The following MMP26 variants were observed in gnomAD, a reference collection of about 807,000 sequenced individuals.
MMP26 encodes the protein matrix metalloproteinase-26.
MMP26 carries 33 observed loss-of-function variants against 31.0 expected under a neutral mutation model. The observed-to-expected ratio is 1.06, with a 90% confidence interval of 0.81 to 1.42. The LOEUF (loss-of-function observed/expected upper bound fraction) is 1.42. Among genes scored for constraint, MMP26 ranks in the 40% most tolerant of loss-of-function variants. MMP26 has a pLI of 0.00. For missense variants in MMP26, 347 were observed against 316.1 expected (o/e 1.10, Z -0.74); for synonymous variants, 122 against 114.9 (o/e 1.06, Z -0.40).
chr11:4,827,465 T>C (rs1849591970), intron 2 of MMP26, among the ~76,000 whole-genome samples: 1 of 152,042 alleles, frequency 6.6e-6, no homozygotes, highest in East Asian at 1.9e-4. Context: ...GGGCCAAGTC[T>C]TTTAGAAAGT....
At chr11:4,727,800 C>G (rs1197998533) in intron 1 of MMP26, among the ~76,000 whole-genome samples, 1 of 152,182 alleles carries the variant, frequency 6.6e-6, no homozygotes, top group African/African-American at 2.4e-5. Context: ...CAGAGCAAGA[C>G]TGTGTCTCAA....
chr11:4,946,989 G>T lies in MMP26; in HGVS notation c.-144-41079G>T, dbSNP rs1846321917. The T allele has an allele frequency of 2.5e-6, 4 of 1,593,276 alleles. No individual in the cohort carries two copies. Among genetic ancestry groups the T allele is most frequent in the Non-Finnish European group, 3.4e-6 (4 of 1,166,286 alleles). On this transcript the variant is annotated intron_variant, in intron 2 of 7. Transcript: ENST00000380390. ...GTGCCATTTCCTAGAATAGCAATAA[G>T]ATACATGCTGCAGATGGGGATAGAG... is the stretch of plus-strand genomic sequence containing the variant.
chr11:4,816,697 CTT>C (rs747753151), intron 2 of MMP26, among the ~76,000 whole-genome samples: 5,043 of 78,936 alleles, frequency 0.064, 34 homozygotes, highest in Non-Finnish European at 0.082. Flanking sequence ...TGGGTGCCTT[CTT>C]TTTTTTTTTT....
At chr11:4,990,510 A>T (rs1846981572) in intron 4 of MMP26, 88 bp from the exon 5 acceptor site, 2 of 1,295,834 alleles carry the variant, frequency 1.5e-6, no homozygotes, top group Non-Finnish European at 2.1e-6. Flanking sequence ...CTATTAAATG[A>T]TTCTCCCCAA....
At chr11:4,834,960 G>T (rs1849696283) in intron 2 of MMP26, among the ~76,000 whole-genome samples, 1 of 151,568 alleles carries the variant, frequency 6.6e-6, no homozygotes, top group Admixed American at 6.6e-5. Context: ...TCTTAAATAT[G>T]GAAAGACATG....
At chr11:4,923,830 G>C in intron 2 of MMP26, 1 of 1,614,020 alleles carries the variant, frequency 6.2e-7, no homozygotes, top group Non-Finnish European at 8.5e-7. Context: ...GGGAGTGGCA[G>C]TATTGGAAGC....
intron 2 of MMP26, chr11:4,786,634 C>A (rs1438381409): frequency 1.3e-5 from 2 of 151,598 alleles, no homozygotes; most frequent in Non-Finnish European, 1.5e-5. Flanking sequence ...CTTAGGCTGG[C>A]TCCACAGATT....
intron 2 of MMP26, among the ~76,000 whole-genome samples, chr11:4,985,291 C>T (rs1846869920): frequency 6.6e-6 from 1 of 152,118 alleles, no homozygotes; most frequent in African/African-American, 2.4e-5. Context: ...GTCTATATCA[C>T]CATGAGATTT....
At chr11:4,795,625 G>A (rs2133446727) in intron 2 of MMP26, among the ~76,000 whole-genome samples, 1 of 152,296 alleles carries the variant, frequency 6.6e-6, no homozygotes, top group South Asian at 2.1e-4. Context: ...AAATGGAAAT[G>A]AGTCACATTA....
At chr11:4,802,771 A>T (rs1282763308) in intron 2 of MMP26, among the ~76,000 whole-genome samples, 2 of 152,170 alleles carry the variant, frequency 1.3e-5, no homozygotes, top group Non-Finnish European at 2.9e-5. Flanking sequence ...TCCAGTATAG[A>T]ATTGGTACCA....
chr11:4,750,194 T>C (rs978903284), intron 1 of MMP26, among the ~76,000 whole-genome samples: 5 of 152,082 alleles, frequency 3.3e-5, no homozygotes, highest in Non-Finnish European at 7.4e-5. Flanking sequence ...TCAACACCAC[T>C]AATCATCAGA....
intron 2 of MMP26, chr11:4,847,508 T>C (rs1849889226): frequency 6.6e-6 from 1 of 152,236 alleles, no homozygotes. Flanking sequence ...TTATGCATAG[T>C]CATAGTGATG....
intron 1 of MMP26, chr11:4,710,747 A>G (rs1847852055): frequency 4.3e-6 from 1 of 231,362 alleles, no homozygotes; most frequent in African/African-American, 2.2e-5. Context: ...ACAGTATAGG[A>G]CCACAGTTAA....
chr11:4,917,078 G>A (rs1398939436), intron 2 of MMP26, among the ~76,000 whole-genome samples: 3 of 152,190 alleles, frequency 2.0e-5, no homozygotes, highest in Non-Finnish European at 4.4e-5. Context: ...AAAGAGGGTA[G>A]GGGCTTTTCT....
At chr11:4,907,825 C>T (rs1850924391) in intron 2 of MMP26, 1 of 1,613,666 alleles carries the variant, frequency 6.2e-7, no homozygotes, top group Non-Finnish European at 8.5e-7. Flanking sequence ...CCATTAGGAG[C>T]ATTCTCTTAG....
At chr11:4,893,182 A>G (rs576555803) in intron 2 of MMP26, among the ~76,000 whole-genome samples, 12 of 152,226 alleles carry the variant, frequency 7.9e-5, no homozygotes, top group African/African-American at 2.6e-4. Flanking sequence ...TATGTTTTAT[A>G]TCAAATATAA....
At chr11:4,938,419 T>G (rs776527339) in intron 2 of MMP26, 3 of 150,980 alleles carry the variant, frequency 2.0e-5, no homozygotes, top group African/African-American at 7.3e-5. Flanking sequence ...TACTTCTTAA[T>G]GTCAAACATC....
chr11:4,791,646 C>T (rs1849029853), intron 2 of MMP26, among the ~76,000 whole-genome samples: 1 of 152,046 alleles, frequency 6.6e-6, no homozygotes, highest in South Asian at 2.1e-4. Context: ...TCTTATTTCT[C>T]TTGTGAGGTT....
intron 2 of MMP26, among the ~76,000 whole-genome samples, chr11:4,858,646 C>T (rs1850094153): frequency 6.6e-6 from 1 of 152,146 alleles, no homozygotes; most frequent in Non-Finnish European, 1.5e-5. Context: ...GGCCATACTG[C>T]CCAAAGTAAT....
Sources: allele counts gnomAD v4.1 joint callset (sites outside exome capture counted in the v4.1 genomes callset), GRCh38; gene constraint gnomAD v4.1.1; transcripts MANE v1.5; gene names NCBI Gene and HGNC (gene_info 2026-07-23, HGNC 2026-07-21).